Variants in PAN3 observed in about 807,000 individuals in gnomAD.
PAN3 encodes PAN2-PAN3 deadenylation complex subunit PAN3.
A neutral mutation model predicts 96.2 loss-of-function variants in PAN3; 19 were observed. The observed-to-expected ratio is 0.20, with a 90% CI of 0.14 to 0.29. The LOEUF is 0.29. PAN3 is among the 10% of genes least tolerant of loss of function. The probability of loss-of-function intolerance (pLI) is 1.00; values close to 1 mark genes in which losing one functional copy is unlikely to be tolerated. For synonymous variants in PAN3, 433 were observed against 406.6 expected (o/e 1.06, Z -0.78); for missense variants, 882 against 1,108.1 (o/e 0.80, Z 2.90).
intron 2 of PAN3, 54 bp from the exon 3 acceptor site, chr13:28,176,439 A>G: frequency 6.6e-7 from 1 of 1,508,572 alleles, no homozygotes; most frequent in South Asian, 1.1e-5. Context: ...TTGGTTGGAT[A>G]CTTTTATTTC....
chr13:28,182,685 G>T (rs904111250), intron 4 of PAN3, among the ~76,000 whole-genome samples: 1 of 152,132 alleles, frequency 6.6e-6, no homozygotes, highest in Admixed American at 6.6e-5. Context: ...TCTGCTGATA[G>T]CTTATTTTTG....
At chr13:28,259,102 A>G (rs1885459818) in intron 7 of PAN3, among the ~76,000 whole-genome samples, 1 of 151,618 alleles carries the variant, frequency 6.6e-6, no homozygotes, top group African/African-American at 2.4e-5. Context: ...ATTTTACTGT[A>G]TCTGAAGAAA....
chr13:28,182,447 G>A (rs1172511688), intron 4 of PAN3, among the ~76,000 whole-genome samples: 1 of 151,984 alleles, frequency 6.6e-6, no homozygotes, highest in Non-Finnish European at 1.5e-5. Flanking sequence ...ACTTTAGTAT[G>A]TTGTTTCAGT....
intron 15 of PAN3, among the ~76,000 whole-genome samples, chr13:28,279,902 C>G (rs1333146709): frequency 6.6e-6 from 1 of 151,636 alleles, no homozygotes; most frequent in Non-Finnish European, 1.5e-5. Context: ...TGGGTTCAAG[C>G]TATTCTCCTG....
intron 4 of PAN3, among the ~76,000 whole-genome samples, chr13:28,194,347 C>T (rs1166433061): frequency 6.7e-6 from 1 of 150,044 alleles, no homozygotes; most frequent in Non-Finnish European, 1.5e-5. Flanking sequence ...TTGAACTTTC[C>T]TGATAGAACA....
intron 6 of PAN3, among the ~76,000 whole-genome samples, chr13:28,243,032 C>T (rs17086440): frequency 0.02 from 2,987 of 152,248 alleles, 109 homozygotes; most frequent in African/African-American, 0.067. Context: ...CCCTGATAAA[C>T]TCTTATTTCA....
intron 17 of PAN3, among the ~76,000 whole-genome samples, chr13:28,283,777 T>C (rs1488751687): frequency 6.6e-6 from 1 of 152,218 alleles, no homozygotes; most frequent in Non-Finnish European, 1.5e-5. Flanking sequence ...AGAGGTTAAA[T>C]AACTTGAACA....
chr13:28,221,979 C>T (rs558165315), intron 6 of PAN3, among the ~76,000 whole-genome samples: 3 of 152,092 alleles, frequency 2.0e-5, no homozygotes, highest in African/African-American at 4.8e-5. Context: ...CCAAAGCATC[C>T]GCAATAATGG....
intron 5 of PAN3, among the ~76,000 whole-genome samples, chr13:28,199,517 A>G (rs1047097586): frequency 6.6e-6 from 1 of 152,200 alleles, no homozygotes; most frequent in Admixed American, 6.5e-5. Flanking sequence ...TGCTGTACCC[A>G]AATTTAGAGC....
At chr13:28,172,818 A>G (rs1874476477) in intron 1 of PAN3, among the ~76,000 whole-genome samples, 1 of 152,200 alleles carries the variant, frequency 6.6e-6, no homozygotes, top group South Asian at 2.1e-4. Flanking sequence ...ACACTTATAG[A>G]GGCTGAGATG....
intron 4 of PAN3, among the ~76,000 whole-genome samples, chr13:28,182,222 T>G (rs1001412219): frequency 2.0e-5 from 3 of 152,204 alleles, no homozygotes; most frequent in African/African-American, 7.2e-5. Context: ...GATAGAAGTG[T>G]TTATGTAGGG....
At chr13:28,142,584 T>G (rs2137914636) in intron 1 of PAN3, among the ~76,000 whole-genome samples, 1 of 151,834 alleles carries the variant, frequency 6.6e-6, no homozygotes, top group Non-Finnish European at 1.5e-5. Flanking sequence ...TTTTGTATTT[T>G]TGGTAGAGAT....
At chr13:28,255,969 C>A (rs1885105103) in intron 6 of PAN3, among the ~76,000 whole-genome samples, 1 of 151,962 alleles carries the variant, frequency 6.6e-6, no homozygotes, top group Non-Finnish European at 1.5e-5. Flanking sequence ...TCTGTTACTT[C>A]CCACTCTTCC....
chr13:28,272,091 G>T lies in PAN3; in HGVS notation c.2049+20G>T. 1 of 1,432,644 alleles carries T rather than the reference G, an allele frequency of 7.0e-7. No homozygotes were observed. The highest frequency in any genetic ancestry group is 9.6e-7 in the Non-Finnish European group (1 of 1,040,530). The allele number at this position is 1,432,644 out of a possible 1,614,324, so 88.7% of individuals were successfully genotyped here. A position where few individuals can be genotyped will look rare whatever the true frequency, so the allele number is the denominator to read the frequency against. ...TACCAGGTGAGTAAGAATTAACATG[G>T]ATATTTACTTGTTTTCCTTTATTAA... On this transcript the variant is annotated intron_variant, in intron 14 of 18. Transcript: ENST00000380958.
chr13:28,271,024 A>G (rs988702502), intron 13 of PAN3, among the ~76,000 whole-genome samples, 158 bp downstream of exon 13: 6 of 152,228 alleles, frequency 3.9e-5, no homozygotes, highest in Non-Finnish European at 8.8e-5. Context: ...AAAGAAAAAA[A>G]AAAAGTTGAA....
intron 7 of PAN3, 103 bp from the exon 8 acceptor site, chr13:28,260,344 A>T (rs564424258): frequency 1.2e-6 from 1 of 812,930 alleles, no homozygotes; most frequent in African/African-American, 1.7e-5. Context: ...TAGTGAGCCG[A>T]GATTGCGCCA....
chr13:28,285,126 C>T (rs1868819485), intron 17 of PAN3, among the ~76,000 whole-genome samples: 2 of 152,124 alleles, frequency 1.3e-5, no homozygotes, highest in African/African-American at 4.8e-5. Flanking sequence ...CCCATTCTGT[C>T]TTCTTGTTAC....
intron 6 of PAN3, among the ~76,000 whole-genome samples, chr13:28,225,869 G>C (rs1881947652): frequency 6.6e-6 from 1 of 152,198 alleles, no homozygotes; most frequent in South Asian, 2.1e-4. Flanking sequence ...CAGGCAACCG[G>C]GGAGAAGTAT....
intron 4 of PAN3, among the ~76,000 whole-genome samples, chr13:28,194,735 G>A (rs1439702643): frequency 6.6e-6 from 1 of 151,844 alleles, no homozygotes; most frequent in Non-Finnish European, 1.5e-5. Context: ...CTCCCAATGT[G>A]CTAGGATTAC....
Sources: gnomAD v4.1 joint callset for allele counts (sites outside exome capture counted in the v4.1 genomes callset) on GRCh38, gnomAD v4.1.1 for gene constraint, MANE v1.5 for transcripts, NCBI Gene and HGNC (gene_info 2026-07-23, HGNC 2026-07-21) for gene names.